Variants in STPG2 observed in about 807,000 individuals in gnomAD.
The protein encoded by STPG2 is sperm-tail PG-rich repeat-containing protein 2.
In STPG2, 56 loss-of-function variants were observed where a neutral mutation model predicts 54.2. The observed-to-expected ratio is 1.03, with a 90% CI of 0.83 to 1.29. The LOEUF is 1.29. STPG2 is among the 50% of genes most tolerant of loss of function. The probability of loss-of-function intolerance (pLI) is 0.00; values close to 1 mark genes in which losing one functional copy is unlikely to be tolerated. For missense variants in STPG2, 596 were observed against 544.9 expected, an observed-to-expected ratio of 1.09 and a Z score of -0.93; for synonymous variants, 200 against 181.8, an observed-to-expected ratio of 1.10 and a Z score of -0.81.
intron 4 of STPG2, among the ~76,000 whole-genome samples, chr4:97,493,161 G>A (rs898485472): frequency 2.0e-5 from 3 of 150,542 alleles, no homozygotes; most frequent in Admixed American, 6.7e-5. Context: ...AGAGTAAAAC[G>A]TCGGTTATTA....
chr4:97,486,371 C>A (rs1338903144), intron 4 of STPG2, among the ~76,000 whole-genome samples: 2 of 151,764 alleles, frequency 1.3e-5, no homozygotes, highest in African/African-American at 4.8e-5. Context: ...CATGAATAGA[C>A]AATTCCCAAA....
chr4:97,616,077 T>TAC (rs1733863930), intron 10 of STPG2, among the ~76,000 whole-genome samples: 1 of 81,088 alleles, frequency 1.2e-5, no homozygotes, highest in African/African-American at 3.6e-5. Flanking sequence ...TATATATATA[T>TAC]ATATATATAT....
chr4:98,134,906 T>C (rs1475260086), intron 1 of STPG2, among the ~76,000 whole-genome samples: 4 of 151,894 alleles, frequency 2.6e-5, no homozygotes, highest in African/African-American at 9.6e-5. Flanking sequence ...CAGCAGATAA[T>C]TGGTCATGTC....
intron 8 of STPG2, among the ~76,000 whole-genome samples, chr4:97,915,048 A>T (rs1367860089): frequency 6.6e-6 from 1 of 152,190 alleles, no homozygotes; most frequent in Admixed American, 6.5e-5. Flanking sequence ...TTGTTTATCC[A>T]TTCATCTAGT....
intron 4 of STPG2, among the ~76,000 whole-genome samples, chr4:97,512,006 A>G (rs1022429583): frequency 1.1e-4 from 17 of 152,112 alleles, no homozygotes; most frequent in Non-Finnish European, 2.5e-4. Flanking sequence ...AAGGACCTGC[A>G]TGCTTTGCTG....
intron 1 of STPG2, among the ~76,000 whole-genome samples, chr4:98,140,215 A>C (rs1740242806): frequency 6.6e-6 from 1 of 152,190 alleles, no homozygotes; most frequent in Non-Finnish European, 1.5e-5. Context: ...GAACTTAGGA[A>C]AACTGTAAAG....
chr4:97,707,185 C>T (rs1723972089), intron 10 of STPG2, among the ~76,000 whole-genome samples: 1 of 151,996 alleles, frequency 6.6e-6, no homozygotes, highest in African/African-American at 2.4e-5. Flanking sequence ...GCTGATAGGA[C>T]CATGTGGAAA....
chr4:97,565,669 C>A (rs541890425), intron 10 of STPG2, among the ~76,000 whole-genome samples: 1 of 152,312 alleles, frequency 6.6e-6, no homozygotes, highest in South Asian at 2.1e-4. Flanking sequence ...TCCTCAGCTG[C>A]AGGTCTGTTG....
intron 9 of STPG2, among the ~76,000 whole-genome samples, chr4:97,794,814 C>T (rs529286173): frequency 6.6e-6 from 1 of 152,218 alleles, no homozygotes; most frequent in Non-Finnish European, 1.5e-5. Context: ...CAAAATTAGA[C>T]GTGGCTTGCT....
chr4:97,734,193 T>A (rs1724896940), intron 9 of STPG2, among the ~76,000 whole-genome samples: 3 of 152,210 alleles, frequency 2.0e-5, no homozygotes, highest in Admixed American at 6.5e-5. Context: ...TATTCCTAAT[T>A]TGTTGAGAAT....
chr4:97,718,869 C>T (rs1185513211), intron 9 of STPG2, among the ~76,000 whole-genome samples: 1 of 151,912 alleles, frequency 6.6e-6, no homozygotes, highest in Non-Finnish European at 1.5e-5. Context: ...AATTCAGCAG[C>T]ATTCTTCCCT....
intron 10 of STPG2, among the ~76,000 whole-genome samples, chr4:97,617,368 T>A (rs1353712666): frequency 2.0e-5 from 3 of 152,168 alleles, no homozygotes; most frequent in South Asian, 2.1e-4. Context: ...GCTCTCAGAT[T>A]GGAAATGTTT....
At chr4:97,793,968 A>C (rs1727087649) in intron 9 of STPG2, among the ~76,000 whole-genome samples, 2 of 152,118 alleles carry the variant, frequency 1.3e-5, no homozygotes, top group South Asian at 4.1e-4. Context: ...ATTTTAATGC[A>C]ATAATTTTTT....
intron 4 of STPG2, among the ~76,000 whole-genome samples, chr4:97,476,266 ATTTACTTCCTAATATATCTAG>A (rs1401417981): frequency 6.6e-6 from 1 of 152,076 alleles, no homozygotes; most frequent in African/African-American, 2.4e-5. Flanking sequence ...AACTTAGTAA[ATTTACTTCCTAATATATCTAG>A]TTTTATTTGG....
chr4:97,606,902 C>A (rs1156412432), intron 10 of STPG2, among the ~76,000 whole-genome samples: 1 of 151,872 alleles, frequency 6.6e-6, no homozygotes, highest in Non-Finnish European at 1.5e-5. Context: ...AATTAAATTT[C>A]AAATGTACTG....
At chr4:98,033,867 T>C (rs569702916) in intron 5 of STPG2, among the ~76,000 whole-genome samples, 2 of 152,266 alleles carry the variant, frequency 1.3e-5, no homozygotes, top group African/African-American at 4.8e-5. Flanking sequence ...ATTATCTCAA[T>C]AGATGCAGAA....
At chr4:97,697,532 G>A (rs966801069) in intron 10 of STPG2, among the ~76,000 whole-genome samples, 2 of 152,094 alleles carry the variant, frequency 1.3e-5, no homozygotes, top group Non-Finnish European at 2.9e-5. Flanking sequence ...CTGCAGATGC[G>A]AATCCTGATT....
At chr4:97,957,070 A>T (rs1733698468) in intron 7 of STPG2, among the ~76,000 whole-genome samples, 1 of 151,638 alleles carries the variant, frequency 6.6e-6, no homozygotes, top group South Asian at 2.1e-4. Flanking sequence ...TAAGGAAATA[A>T]ATATATATAT....
intron 5 of STPG2, among the ~76,000 whole-genome samples, chr4:98,078,856 T>A (rs1738252882): frequency 6.6e-6 from 1 of 152,180 alleles, no homozygotes; most frequent in African/African-American, 2.4e-5. Flanking sequence ...TTTAAATATC[T>A]TAAATTTGGA....
Sources: gnomAD v4.1 joint callset for allele counts (sites outside exome capture counted in the v4.1 genomes callset) on GRCh38, gnomAD v4.1.1 for gene constraint, MANE v1.5 for transcripts, NCBI Gene and HGNC (gene_info 2026-07-23, HGNC 2026-07-21) for gene names.